NEK9: variants seen among roughly 807,000 people sequenced by gnomAD.
The protein encoded by NEK9 is serine/threonine-protein kinase Nek9.
NEK9 carries 75 observed loss-of-function variants against 123.4 expected under a neutral mutation model. That is an observed-to-expected ratio of 0.61 (90% confidence interval 0.50 to 0.74). NEK9 has a LOEUF of 0.74. NEK9 is among the 30% of genes least tolerant of loss of function. The pLI is 0.00. For synonymous variants in NEK9, 438 were observed against 458.7 expected, an observed-to-expected ratio of 0.95 and a Z score of 0.58; for missense variants, 952 against 1,214.4, an observed-to-expected ratio of 0.78 and a Z score of 3.21.
Position 75,083,153 on chromosome 14 carries a change from AAATT to A in NEK9, c.*1407_*1410del, listed in dbSNP as rs1443406176. The A allele has an allele frequency of 1.3e-5, 5 of 398,600 alleles. No homozygotes were observed. In the East Asian group the frequency reaches 1.8e-4, roughly 14 times the overall value. The allele number at this position is 398,600 out of a possible 1,614,324, so 24.7% of individuals were successfully genotyped here. Reference sequence around the variant, plus strand: ...ATTTTGGTCTGGGGAAGATGAAACAAAATTAATTTAGCTGTTTATAGGAAGGTGG... The same window carrying A: ...ATTTTGGTCTGGGGAAGATGAAACAAAATTTAGCTGTTTATAGGAAGGTGG... On this transcript the variant is annotated 3_prime_UTR_variant, in exon 22 of 22. Transcript: ENST00000238616.
Position 75,126,780 on chromosome 14 carries a change from C to CCTGCTCCG in NEK9, c.134_141dup (p.Glu48ArgfsTer41). 6.5e-7 allele frequency: 1 copy of CCTGCTCCG among 1,531,728 alleles called. No homozygotes were observed. The highest frequency in any genetic ancestry group is 8.8e-7 in the Non-Finnish European group (1 of 1,140,204). The allele number at this position is 1,531,728 out of a possible 1,614,324, so 94.9% of individuals were successfully genotyped here. On this transcript the variant is annotated frameshift_variant, in exon 1 of 22. Transcript: ENST00000238616. LOFTEE classifies it high-confidence loss of function. ...CGGATGGGGATGTAGTGCAGTTCCTCCTGCTCCGCCGCGCCGCCGCCGGCT... is the reference window on the plus strand; with the variant it reads ...CGGATGGGGATGTAGTGCAGTTCCTCCTGCTCCGCTGCTCCGCCGCGCCGCCGCCGGCT...
Position 75,126,825 on chromosome 14 carries a change from T to A in NEK9, c.97A>T (p.Ser33Cys), listed in dbSNP as rs892476695. ...GGCGDSSPGP[S>C]ASQGPRAGGG... ...CCGGCTCGCGGCCCCTGACTGGCGC[T>A]AGGCCCCGGACTCGAGTCCCCGCAA... The change falls in exon 1 of 22, where the codon AGC becomes TGC. Residue 33 changes from serine to cysteine, a missense_variant. This residue lies in a region of NEK9 where 120 missense variants were observed against 97.6 expected (regional missense o/e 1.23). Coordinates refer to ENST00000238616, the MANE Select transcript of NEK9 (RefSeq NM_033116.6). 6.5e-7 allele frequency: 1 copy of A among 1,533,950 alleles called. No homozygotes were observed. Among genetic ancestry groups the A allele is most frequent in the African/African-American group, 1.4e-5 (1 of 70,466 alleles).
chr14:75,086,134 A>T (rs1894016724), intron 21 of NEK9, among the ~76,000 whole-genome samples: 1 of 151,934 alleles, frequency 6.6e-6, no homozygotes, highest in Non-Finnish European at 1.5e-5. Context: ...GGTTGCAGTA[A>T]GCCGAGATCA....
intron 13 of NEK9, 95 bp downstream of exon 13, chr14:75,105,855 A>G: frequency 1.0e-6 from 1 of 970,054 alleles, no homozygotes; most frequent in Non-Finnish European, 1.6e-6. Context: ...TCGGAAATAA[A>G]TACCTTGATA....
chr14:75,121,126 T>C lies in NEK9; in HGVS notation c.446A>G (p.Glu149Gly). The C allele has an allele frequency of 6.2e-7, 1 of 1,612,060 alleles. No homozygotes were observed. Among genetic ancestry groups the C allele is most frequent in the Non-Finnish European group, 8.5e-7 (1 of 1,178,158 alleles). Residue 149 changes from glutamate (E) to glycine (G), a missense_variant, in exon 3 of 22, where the codon GAG (glutamate) becomes GGG (glycine). This residue lies in a region of NEK9 where 106 missense variants were observed against 153.0 expected (regional missense o/e 0.69). Transcript: ENST00000238616. ...CACAGAAATATGAATTACCTCTTCC[T>C]CAAACAACTTGTCCTTCTGACGAAG... ...KILRQKDKLF[E>G]EEMVVWYLFQ...
At position 75,118,938 on chromosome 14, in the gene NEK9, G is replaced by GA. The variant is rs201744973; in HGVS notation, c.525-4dup. On this transcript the variant is annotated splice_polypyrimidine_tract_variant and splice_region_variant and intron_variant, in intron 4 of 21. Transcript: ENST00000238616. The stretch of plus-strand genomic sequence containing the variant: ...AAATATTTAATGTCTTTATATCTCT[G>GA]AAAAAAAAAGATGCTGCAAATTAAG... 2.4e-3 allele frequency: 3,216 copies of GA among 1,334,928 alleles called. 5 individuals carry two copies. Among genetic ancestry groups the GA allele is most frequent in the East Asian group, 0.016 (682 of 42,314 alleles). The allele number at this position is 1,334,928 out of a possible 1,614,324, so 82.7% of individuals were successfully genotyped here.
chr14:75,126,932 G>A lies in NEK9; in HGVS notation c.-11C>T. ...GCCCAGCACCGACATGGCGGCGGCC[G>A]CGGGCCTTGGGGACCAGCCTGCGTA... On this transcript the variant is annotated 5_prime_UTR_variant, in exon 1 of 22. Coordinates refer to ENST00000238616, the MANE Select transcript of NEK9 (RefSeq NM_033116.6). 1.4e-6 allele frequency: 2 copies of A among 1,452,694 alleles called. No homozygotes were observed. The highest frequency in any genetic ancestry group is 1.8e-6 in the Non-Finnish European group (2 of 1,096,044). The allele number at this position is 1,452,694 out of a possible 1,614,324, so 90.0% of individuals were successfully genotyped here. A position where few individuals can be genotyped will look rare whatever the true frequency, so the allele number is the denominator to read the frequency against.
At chr14:75,103,034 G>C (rs1359729192) in intron 14 of NEK9, among the ~76,000 whole-genome samples, 8 of 151,878 alleles carry the variant, frequency 5.3e-5, no homozygotes, top group Non-Finnish European at 1.0e-4. Flanking sequence ...CACACACCGG[G>C]GCCTGTCATA....
chr14:75,111,394 A>G (rs947295007), intron 8 of NEK9, among the ~76,000 whole-genome samples: 2 of 152,224 alleles, frequency 1.3e-5, no homozygotes, highest in African/African-American at 4.8e-5. Flanking sequence ...CTAGCCAAAT[A>G]GAATTTTGTG....
At position 75,086,954 on chromosome 14, in the gene NEK9, T is replaced by C; in HGVS notation, c.2817+64A>G. On this transcript the variant is annotated intron_variant, in intron 21 of 21. Transcript: ENST00000238616. ...GGAACAAGTCTATTTCAGTACTTTG[T>C]GTTTTGTTTCTGTGATTCTTCAAAA... is the stretch of plus-strand genomic sequence containing the variant. 9 of 1,490,756 alleles carry C rather than the reference T, an allele frequency of 6.0e-6. No homozygotes were observed. The South Asian group carries it at 9.1e-5, about 15-fold the overall frequency. 92.3% of individuals were successfully genotyped at this position (1,490,756 alleles called of 1,614,324 possible).
At chr14:75,105,853 A>G in intron 13 of NEK9, 97 bp downstream of exon 13, 2 of 962,312 alleles carry the variant, frequency 2.1e-6, no homozygotes, top group Non-Finnish European at 3.2e-6. Context: ...CTTCGGAAAT[A>G]AATACCTTGA....
In NEK9 at chr14:75,091,312, G is replaced by A. The variant is rs1382762778; in HGVS notation, c.2400C>T (p.Asn800=). The A allele has an allele frequency of 6.2e-7, 1 of 1,613,340 alleles. No homozygotes were observed. The highest frequency in any genetic ancestry group is 8.5e-7 in the Non-Finnish European group (1 of 1,179,792). ...GACAGGAGCTGCTGGCCCCATTACT[G>A]TTCCCCATGGCCTCTGTGGGACTGA... The part of the protein sequence containing the change: ...GLISPTEAMG[N]SNGASSSCPG... The change falls in exon 19 of 22, where the codon AAC becomes AAT. Residue 800 remains asparagine (N), a synonymous_variant. Coordinates refer to ENST00000238616, the MANE Select transcript of NEK9 (RefSeq NM_033116.6).
At chr14:75,094,091 G>A (rs1894304774) in intron 18 of NEK9, among the ~76,000 whole-genome samples, 1 of 152,220 alleles carries the variant, frequency 6.6e-6, no homozygotes, top group South Asian at 2.1e-4. Context: ...CTTAGCGAAA[G>A]ATCTTCAGTC....
intron 21 of NEK9, chr14:75,085,074 C>T (rs747174339): frequency 1.6e-5 from 3 of 193,472 alleles, no homozygotes; most frequent in African/African-American, 4.6e-5. Flanking sequence ...GGTGTGATCA[C>T]GGATCACTGC....
At chr14:75,089,856 G>A (rs1346325404) in intron 19 of NEK9, among the ~76,000 whole-genome samples, 1 of 152,044 alleles carries the variant, frequency 6.6e-6, no homozygotes, top group Admixed American at 6.5e-5. Context: ...GCGCCACAAC[G>A]CCCGGCTAAT....
At chr14:75,126,267 C>T (rs968084194) in intron 1 of NEK9, among the ~76,000 whole-genome samples, 2 of 152,100 alleles carry the variant, frequency 1.3e-5, no homozygotes, top group African/African-American at 2.4e-5. Flanking sequence ...GATTTTGAAG[C>T]TATGCCCCTC....
chr14:75,122,061 CT>C (rs1895356181), intron 2 of NEK9, among the ~76,000 whole-genome samples: 1 of 152,094 alleles, frequency 6.6e-6, no homozygotes, highest in Non-Finnish European at 1.5e-5. Context: ...TCTCTCTTTC[CT>C]TTACCAAGTA....
intron 10 of NEK9, among the ~76,000 whole-genome samples, 160 bp downstream of exon 10, chr14:75,109,525 C>G (rs189983806): frequency 1.3e-5 from 2 of 152,306 alleles, no homozygotes; most frequent in East Asian, 3.9e-4. Flanking sequence ...CATCAGTGAA[C>G]TAAACAGACA....
chr14:75,097,608 C>T (rs1894432580), intron 16 of NEK9, among the ~76,000 whole-genome samples: 1 of 152,126 alleles, frequency 6.6e-6, no homozygotes, highest in Admixed American at 6.6e-5. Context: ...AAACCAAGTC[C>T]TTGCCCTGTG....
Sources: allele counts gnomAD v4.1 joint callset (sites outside exome capture counted in the v4.1 genomes callset), GRCh38; gene constraint gnomAD v4.1.1; regional missense constraint gnomAD v4.1.1; transcripts MANE v1.5; gene names NCBI Gene and HGNC (gene_info 2026-07-23, HGNC 2026-07-21).